Variants in EHHADH observed in about 807,000 individuals in gnomAD.
EHHADH encodes enoyl-CoA hydratase and 3-hydroxyacyl CoA dehydrogenase, also known as peroxisomal bifunctional enzyme.
In EHHADH, 48 loss-of-function variants were observed where a neutral mutation model predicts 64.4. The observed-to-expected ratio is 0.75, with a 90% CI of 0.59 to 0.95. The LOEUF (loss-of-function observed/expected upper bound fraction) is 0.95, where lower values mean the gene tolerates loss of function less well. Ranked by LOEUF, EHHADH falls within the 40% of genes least tolerant of loss-of-function variation. EHHADH has a pLI of 0.00. For synonymous variants in EHHADH, 308 were observed against 326.7 expected (o/e 0.94, Z 0.62); for missense variants, 854 against 876.6 (o/e 0.97, Z 0.33).
chr3:185,192,984 C>T lies in EHHADH; in HGVS notation c.1414G>A (p.Val472Ile), dbSNP rs138187022. The T allele has an allele frequency of 1.8e-4, 288 of 1,614,188 alleles. No homozygotes were observed. Among genetic ancestry groups the T allele is most frequent in the East Asian group, 1.1e-3 (49 of 44,886 alleles). ...ACAAATCCAAAACAGTTGCCTACAA[C>T]GACTCCAATCTTTTTAATCTTTTTT... ...LSKKIKKIGV[V>I]VGNCFGFVGN... The change falls in exon 7 of 7, where the codon GTT (valine) becomes ATT (isoleucine). Residue 472 changes from valine to isoleucine, a missense_variant. Transcript: ENST00000231887.
At chr3:185,251,953 A>G (rs1398360868) in intron 1 of EHHADH, among the ~76,000 whole-genome samples, 3 of 152,158 alleles carry the variant, frequency 2.0e-5, no homozygotes, top group Non-Finnish European at 4.4e-5. Context: ...GGAATAACTA[A>G]CATCTATTAA....
At chr3:185,233,873 T>C (rs1719210102) in intron 3 of EHHADH, among the ~76,000 whole-genome samples, 1 of 152,154 alleles carries the variant, frequency 6.6e-6, no homozygotes, top group African/African-American at 2.4e-5. Context: ...CTCGATCTCC[T>C]GACTTTGTGA....
intron 6 of EHHADH, among the ~76,000 whole-genome samples, chr3:185,203,216 A>G (rs577622062): frequency 5.9e-5 from 9 of 152,156 alleles, no homozygotes; most frequent in Non-Finnish European, 1.0e-4. Context: ...GGAAATACAC[A>G]TAAGTCTGTA....
At chr3:185,226,826 AC>A (rs1718991225) in intron 4 of EHHADH, 1 of 152,212 alleles carries the variant, frequency 6.6e-6, no homozygotes, top group Admixed American at 6.5e-5. Context: ...ACCATGACTT[AC>A]AATGAATCTG....
intron 6 of EHHADH, among the ~76,000 whole-genome samples, chr3:185,197,448 C>A (rs1718095738): frequency 2.6e-5 from 4 of 152,166 alleles, no homozygotes. Context: ...AATGATAACT[C>A]CCCATTTTCC....
chr3:185,253,090 T>C (rs1231780432), intron 1 of EHHADH: 1 of 153,634 alleles, frequency 6.5e-6, no homozygotes, highest in Non-Finnish European at 1.5e-5. Context: ...AAAATGCTAT[T>C]GCATAGGCTT....
chr3:185,214,014 A>G (rs11715222), intron 5 of EHHADH, among the ~76,000 whole-genome samples: 99,689 of 152,020 alleles, frequency 0.66, 34,868 homozygotes, highest in Non-Finnish European at 0.79. Context: ...AAATTTGGTA[A>G]GAGAATAAAT....
intron 6 of EHHADH, among the ~76,000 whole-genome samples, chr3:185,196,617 G>A (rs1718071579): frequency 6.6e-6 from 1 of 152,034 alleles, no homozygotes; most frequent in Admixed American, 6.6e-5. Context: ...TCCAGCCCGG[G>A]CAACAAGAGC....
chr3:185,204,389 A>G, intron 6 of EHHADH, 27 bp downstream of exon 6: 2 of 1,561,710 alleles, frequency 1.3e-6, no homozygotes, highest in Non-Finnish European at 8.7e-7. Context: ...GATTTGGAGG[A>G]TTCCATTCAT....
chr3:185,228,275 T>TGG (rs1210139866), intron 4 of EHHADH, among the ~76,000 whole-genome samples: 4 of 58,158 alleles, frequency 6.9e-5, no homozygotes, highest in East Asian at 2.9e-4. Flanking sequence ...TATATATATA[T>TGG]ATATGGAGAG....
chr3:185,196,074 A>C lies in EHHADH; in HGVS notation c.911-2587T>G, dbSNP rs567449221. Among the ~76,000 whole-genome samples the C allele has an allele frequency of 2.8e-4, 43 of 152,352 alleles. 1 individual carries two copies. In the South Asian group the frequency reaches 8.9e-3, roughly 32 times the overall value. On this transcript the variant is annotated intron_variant, in intron 6 of 6. Transcript: ENST00000231887. ...GTGGCTATCAGTACTTGTTAATTAA[A>C]CTAGGGGGCATTATATCTTCAACAG... is the stretch of plus-strand genomic sequence containing the variant.
intron 2 of EHHADH, among the ~76,000 whole-genome samples, chr3:185,236,363 G>GCCCCCCCCCCCCCCCCCGCCTGCCCCCCC (rs1438386258): frequency 8.4e-6 from 1 of 119,686 alleles, no homozygotes; most frequent in African/African-American, 3.0e-5. Flanking sequence ...AACAATCCCT[G>GCCCCCCCCCCCCCCCCCGCCTGCCCCCCC]CCCCCCCACC....
At position 185,248,444 on chromosome 3, in the gene EHHADH, T is replaced by C. The variant is rs1417876234; in HGVS notation, c.148A>G (p.Ile50Val). Reference protein sequence around the residue: ...VIDHTIKAIVICGAEGKFSAG... With the variant: ...VIDHTIKAIVVCGAEGKFSAG... ...GAAAATTTGCCCTCTGCTCCACAAA[T>C]CACAATGGCTTTTATTGTATGGTCT... Residue 50 changes from isoleucine (I) to valine (V), a missense_variant, in exon 2 of 7, where the codon ATT becomes GTT. Transcript: ENST00000231887. The C allele has an allele frequency of 6.2e-7, 1 of 1,614,142 alleles. No individual in the cohort carries two copies. The highest frequency in any genetic ancestry group is 8.5e-7 in the Non-Finnish European group (1 of 1,179,992).
At position 185,192,725 on chromosome 3, in the gene EHHADH, T is replaced by C. The variant is rs1490066327; in HGVS notation, c.1673A>G (p.Tyr558Cys). 1 of 1,614,172 alleles carries C rather than the reference T, an allele frequency of 6.2e-7. No homozygotes were observed. The highest frequency in any genetic ancestry group is 1.3e-5 in the African/African-American group (1 of 75,046). Residue 558 changes from tyrosine to cysteine, a missense_variant, in exon 7 of 7, where the codon TAC (tyrosine) becomes TGC (cysteine). Physicochemically the swap from Tyr to Cys is radical, Grantham distance 194 (BLOSUM62 -2). Coordinates refer to ENST00000231887, the MANE Select transcript of EHHADH (RefSeq NM_001966.4). The part of the protein sequence containing the change: ...TPARKRGNRR[Y>C]CPIPDVLCEL... The stretch of plus-strand genomic sequence containing the variant: ...ACAGAGCACATCAGGAATTGGGCAG[T>C]ACCTCCTATTACCCCTTTTTCGGGC...
At chr3:185,217,025 G>C (rs200930867) in intron 5 of EHHADH, among the ~76,000 whole-genome samples, 6 of 8,402 alleles carry the variant, frequency 7.1e-4, no homozygotes, top group African/African-American at 2.5e-4. Context: ...TGCGGAGACA[G>C]AAGTTCTCAA....
chr3:185,248,318 C>T (rs759009296), intron 2 of EHHADH, 96 bp downstream of exon 2: 1 of 900,612 alleles, frequency 1.1e-6, no homozygotes, highest in Non-Finnish European at 1.9e-6. Flanking sequence ...CCATTACCTA[C>T]ACTAAGTTAT....
rs535280873 is a variant in EHHADH, at chr3:185,193,157, T to A, written c.1241A>T (p.Asp414Val). 7 of 1,613,280 alleles carry A rather than the reference T, an allele frequency of 4.3e-6. No homozygotes were observed. The South Asian group carries it at 5.5e-5, about 13-fold the overall frequency. ...AFLCTNTSAL[D>V]VDEIASSTDR... is the part of the protein sequence containing the mutation. ...AGTGGAAGAAGCAATCTCATCAACATCCAGGGCTGAAGTATTAGTGCACAA... is the reference window on the plus strand; with the variant it reads ...AGTGGAAGAAGCAATCTCATCAACAACCAGGGCTGAAGTATTAGTGCACAA... Residue 414 changes from aspartate to valine, a missense_variant, in exon 7 of 7, where the codon GAT (aspartate) becomes GTT (valine). Coordinates refer to ENST00000231887, the MANE Select transcript of EHHADH (RefSeq NM_001966.4).
Position 185,248,410 on chromosome 3 carries a change from T to C in EHHADH, c.178+4A>G, listed in dbSNP as rs142215929. The stretch of plus-strand genomic sequence containing the variant: ...ATGGTGGGAGAGGGTTAGACTTGAG[T>C]TACCTGCAGAAAATTTGCCCTCTGC... On this transcript the variant is annotated splice_donor_region_variant and intron_variant, in intron 2 of 6. Coordinates refer to ENST00000231887, the MANE Select transcript of EHHADH (RefSeq NM_001966.4). 5.2e-5 allele frequency: 83 copies of C among 1,605,650 alleles called. No individual in the cohort carries two copies. The highest frequency in any genetic ancestry group is 6.5e-5 in the Non-Finnish European group (76 of 1,172,298).
At chr3:185,200,618 G>C (rs1388426215) in intron 6 of EHHADH, among the ~76,000 whole-genome samples, 1 of 152,184 alleles carries the variant, frequency 6.6e-6, no homozygotes, top group Non-Finnish European at 1.5e-5. Flanking sequence ...AAGGAGTCCT[G>C]CTCCCCTGCC....
Sources: allele counts gnomAD v4.1 joint callset (sites outside exome capture counted in the v4.1 genomes callset), GRCh38; gene constraint gnomAD v4.1.1; transcripts MANE v1.5; gene names NCBI Gene and HGNC (gene_info 2026-07-23, HGNC 2026-07-21).